ERCC6L2: variants seen among roughly 807,000 people sequenced by gnomAD.
ERCC6L2 encodes ERCC excision repair 6 like 2.
A neutral mutation model predicts 132.0 loss-of-function variants in ERCC6L2; 77 were observed. The ratio of observed to expected loss-of-function variants is 0.58; its 90% CI spans 0.49 to 0.71. The LOEUF (loss-of-function observed/expected upper bound fraction) is 0.71. Among genes scored for constraint, ERCC6L2 ranks in the 30% least tolerant of loss-of-function variants. ERCC6L2 has a pLI of 0.00. For synonymous variants in ERCC6L2, 583 were observed against 632.4 expected (o/e 0.92, Z 1.17); for missense variants, 1,542 against 1,837.6 (o/e 0.84, Z 2.94).
rs561298048 is a variant in ERCC6L2 at position 95,955,903 on chromosome 9, T to A, written c.1848-11T>A. 1 of 1,519,770 alleles carries A rather than the reference T, an allele frequency of 6.6e-7. No homozygotes were observed. The highest frequency in any genetic ancestry group is 1.3e-5 in the South Asian group (1 of 74,700). 94.1% of individuals were successfully genotyped at this position (1,519,770 alleles called of 1,614,324 possible). On this transcript the variant is annotated splice_polypyrimidine_tract_variant and intron_variant, in intron 12 of 18. Transcript: ENST00000653738. The stretch of plus-strand genomic sequence containing the variant: ...ACTTGATTTTTGTTTGTATTTTTAA[T>A]CCTTTTACAGAGCATATAGGATTGG...
Position 95,916,418 on chromosome 9 carries a change from C to G in ERCC6L2, c.1142C>G (p.Pro381Arg), listed in dbSNP as rs1269281636. The G allele has an allele frequency of 3.8e-6, 6 of 1,566,356 alleles. No individual in the cohort carries two copies. The Admixed American group carries it at 1.3e-4, about 33-fold the overall frequency. ...RTKTLIKDQLPKKEDRMVYCS... is the reference protein window; with the variant it reads ...RTKTLIKDQLRKKEDRMVYCS... ...AAGACTCTTATCAAGGATCAGTTGCCTAAGAAGGAAGACCGGGTAAGAACC... is the reference window on the plus strand; with the variant it reads ...AAGACTCTTATCAAGGATCAGTTGCGTAAGAAGGAAGACCGGGTAAGAACC... Residue 381 changes from proline to arginine, a missense_variant, in exon 6 of 19, where the codon CCT becomes CGT. By Grantham distance (103) the Pro-to-Arg change is moderately radical (BLOSUM62 -2). Coordinates refer to ENST00000653738, the MANE Select transcript of ERCC6L2 (RefSeq NM_020207.7).
At chr9:95,989,256 T>G (rs1384936117) in intron 17 of ERCC6L2, among the ~76,000 whole-genome samples, 2 of 152,222 alleles carry the variant, frequency 1.3e-5, no homozygotes, top group Non-Finnish European at 2.9e-5. Flanking sequence ...CATCAGCCCC[T>G]GTTCCCTCCC....
Position 95,875,944 on chromosome 9 carries a change from T to G in ERCC6L2, c.-95T>G. On this transcript the variant is annotated 5_prime_UTR_variant, in exon 1 of 19. Coordinates refer to ENST00000653738, the MANE Select transcript of ERCC6L2 (RefSeq NM_020207.7). The stretch of plus-strand genomic sequence containing the variant: ...GCTCGGAGGGCGGCCGGAAGTGGCG[T>G]TGGCCGCCATTGGCCTGCCGGCCAG... The G allele has an allele frequency of 7.4e-7, 1 of 1,359,410 alleles. No individual in the cohort carries two copies. The highest frequency in any genetic ancestry group is 1.4e-5 in the African/African-American group (1 of 69,878). 84.2% of individuals were successfully genotyped at this position (1,359,410 alleles called of 1,614,324 possible).
In ERCC6L2 at chr9:95,879,294, A is replaced by G. The variant is rs182986594; in HGVS notation, c.47-1575A>G. Among the ~76,000 whole-genome samples, 3 of 152,318 alleles carry G rather than the reference A, an allele frequency of 2.0e-5. No homozygotes were observed. The East Asian group carries it at 5.8e-4, about 29-fold the overall frequency. Reference sequence around the variant, plus strand: ...TGCAGGAAGACTATTAGTCACCATCATTTTTGACATTAGTTTTCTTCATTT... The same window carrying G: ...TGCAGGAAGACTATTAGTCACCATCGTTTTTGACATTAGTTTTCTTCATTT... On this transcript the variant is annotated intron_variant, in intron 1 of 18. Coordinates refer to ENST00000653738, the MANE Select transcript of ERCC6L2 (RefSeq NM_020207.7).
chr9:96,032,441 C>T (rs1834472232), intron 19 of ERCC6L2, among the ~76,000 whole-genome samples: 1 of 152,220 alleles, frequency 6.6e-6, no homozygotes, highest in East Asian at 1.9e-4. Flanking sequence ...CTTAGGAACT[C>T]GGCATGAATT....
chr9:95,999,592 T>C (rs1208664628), intron 17 of ERCC6L2, among the ~76,000 whole-genome samples: 1 of 152,186 alleles, frequency 6.6e-6, no homozygotes, highest in East Asian at 1.9e-4. Context: ...TAATTGACAA[T>C]TGCCATTGCT....
chr9:95,977,343 G>C (rs1832715182), intron 16 of ERCC6L2, among the ~76,000 whole-genome samples: 1 of 152,180 alleles, frequency 6.6e-6, no homozygotes, highest in Admixed American at 6.5e-5. Flanking sequence ...GACTAAAACA[G>C]CACAATTGTT....
intron 17 of ERCC6L2, among the ~76,000 whole-genome samples, chr9:95,987,571 C>T (rs933685507): frequency 1.2e-4 from 19 of 152,196 alleles, no homozygotes; most frequent in Non-Finnish European, 8.8e-5. Flanking sequence ...GGGTTCCCAT[C>T]GTCTTGAGCA....
At chr9:96,031,933 A>T (rs1436016490) in intron 19 of ERCC6L2, among the ~76,000 whole-genome samples, 2 of 152,190 alleles carry the variant, frequency 1.3e-5, no homozygotes, top group Admixed American at 1.3e-4. Flanking sequence ...AAAAATTTAG[A>T]TCCCACTGAC....
chr9:95,882,878 A>G (rs1220067402), intron 2 of ERCC6L2, among the ~76,000 whole-genome samples: 2 of 152,222 alleles, frequency 1.3e-5, no homozygotes, highest in Admixed American at 1.3e-4. Context: ...TTATTCCACA[A>G]ACTATCATTT....
chr9:95,968,659 T>G (rs187057336), intron 14 of ERCC6L2: 2 of 152,316 alleles, frequency 1.3e-5, no homozygotes, highest in Non-Finnish European at 2.9e-5. Flanking sequence ...AATCTTATGA[T>G]TTCTGGGCAA....
intron 11 of ERCC6L2, among the ~76,000 whole-genome samples, chr9:95,933,238 G>T (rs7874897): frequency 0.59 from 90,115 of 152,016 alleles, 26,940 homozygotes; most frequent in East Asian, 0.79. Flanking sequence ...CTTTAACTTC[G>T]TTTCTGCTTT....
chr9:96,035,552 C>A (rs1242479020), intron 19 of ERCC6L2, among the ~76,000 whole-genome samples: 1 of 152,290 alleles, frequency 6.6e-6, no homozygotes, highest in African/African-American at 2.4e-5. Context: ...CAGAGAGGAG[C>A]TACCCTCTCC....
At position 95,948,804 on chromosome 9, in the gene ERCC6L2, A is replaced by AG. The variant is rs1554751384; in HGVS notation, c.1848-7110_1848-7109insG. ...CACAAGACATTAGAAAAAAAAAAAAAAAAAGAAAAGAAAAGAAAGAAAATG... is the reference window on the plus strand; with the variant it reads ...CACAAGACATTAGAAAAAAAAAAAAAGAAAAGAAAAGAAAAGAAAGAAAATG... On this transcript the variant is annotated intron_variant, in intron 12 of 18. Transcript: ENST00000653738. 4.8e-4 allele frequency among the ~76,000 whole-genome samples: 69 copies of AG among 144,108 alleles called. 1 individual carries two copies. The South Asian group carries it at 9.4e-3, about 20-fold the overall frequency. The allele number at this position is 144,108 out of a possible 152,430, so 94.5% of individuals were successfully genotyped here. A position where few individuals can be genotyped will look rare whatever the true frequency, so the allele number is the denominator to read the frequency against.
intron 12 of ERCC6L2, among the ~76,000 whole-genome samples, chr9:95,947,666 C>G (rs1254420095): frequency 6.6e-6 from 1 of 152,166 alleles, no homozygotes; most frequent in Admixed American, 6.5e-5. Flanking sequence ...AAAAGATAGG[C>G]TGACTCTCTT....
rs530225267 is a variant in ERCC6L2, at chr9:95,973,490, C to T, written c.3337+402C>T. 3.9e-5 allele frequency among the ~76,000 whole-genome samples: 6 copies of T among 152,242 alleles called. No individual in the cohort carries two copies. The South Asian group carries it at 1.2e-3, about 32-fold the overall frequency. The stretch of plus-strand genomic sequence containing the variant: ...AAAGGGGTTTAATGGATTCACAGTT[C>T]CACATGGCTAGGGAGGCCTCACAAT... On this transcript the variant is annotated intron_variant, in intron 16 of 18. Coordinates refer to ENST00000653738, the MANE Select transcript of ERCC6L2 (RefSeq NM_020207.7).
intron 7 of ERCC6L2, among the ~76,000 whole-genome samples, chr9:95,921,637 A>G (rs1414102998): frequency 1.3e-5 from 2 of 152,360 alleles, no homozygotes; most frequent in African/African-American, 4.8e-5. Flanking sequence ...ATCCACTAAT[A>G]GTAAACGAAC....
At chr9:95,976,202 C>T (rs1255695701) in intron 16 of ERCC6L2, among the ~76,000 whole-genome samples, 1 of 152,086 alleles carries the variant, frequency 6.6e-6, no homozygotes, top group African/African-American at 2.4e-5. Flanking sequence ...GTGGGCTTTC[C>T]TCTCGCTCTC....
intron 17 of ERCC6L2, among the ~76,000 whole-genome samples, chr9:95,982,144 A>G (rs994864306): frequency 5.9e-5 from 9 of 152,140 alleles, no homozygotes; most frequent in South Asian, 2.1e-4. Flanking sequence ...GATTAATAGT[A>G]AGCCCCTCTT....
Sources: gnomAD v4.1 joint callset for allele counts (sites outside exome capture counted in the v4.1 genomes callset) on GRCh38, gnomAD v4.1.1 for gene constraint, MANE v1.5 for transcripts, NCBI Gene and HGNC (gene_info 2026-07-23, HGNC 2026-07-21) for gene names.